The following OTULIN variants were observed in gnomAD, a reference collection of about 807,000 sequenced individuals.
OTULIN encodes OTU deubiquitinase with linear linkage specificity.
OTULIN carries 15 observed loss-of-function variants against 39.6 expected under a neutral mutation model. The observed-to-expected ratio is 0.38, with a 90% CI of 0.25 to 0.58. The LOEUF (loss-of-function observed/expected upper bound fraction) is 0.58, where lower values mean the gene tolerates loss of function less well. Among genes scored for constraint, OTULIN ranks in the 20% least tolerant of loss-of-function variants. The pLI is 0.66. For missense variants in OTULIN, 319 were observed against 445.9 expected, an observed-to-expected ratio of 0.72 and a Z score of 2.56; for synonymous variants, 156 against 170.3, an observed-to-expected ratio of 0.92 and a Z score of 0.65.
intron 4 of OTULIN, among the ~76,000 whole-genome samples, chr5:14,687,189 A>T (rs1736407279): frequency 6.6e-6 from 1 of 152,196 alleles, no homozygotes; most frequent in East Asian, 1.9e-4. Context: ...AGTGAGTCCC[A>T]TAGCCTGAAG....
intron 2 of OTULIN, among the ~76,000 whole-genome samples, chr5:14,675,569 G>A (rs1008501415): frequency 6.6e-6 from 1 of 152,178 alleles, no homozygotes; most frequent in African/African-American, 2.4e-5. Context: ...AAGAAAGTGT[G>A]TATTCAGCTG....
intron 4 of OTULIN, among the ~76,000 whole-genome samples, chr5:14,685,967 C>T (rs577712189): frequency 3.7e-4 from 56 of 152,282 alleles, no homozygotes; most frequent in East Asian, 1.4e-3. Flanking sequence ...AGTGTGGGCA[C>T]GGAGTGGGCT....
At chr5:14,689,903 G>A (rs1736481658) in intron 5 of OTULIN, 136 bp from the exon 6 acceptor site, 1 of 855,432 alleles carries the variant, frequency 1.2e-6, no homozygotes, top group Admixed American at 2.5e-5. Flanking sequence ...TTGTTAATCT[G>A]GAAACCTGAA....
the OTULIN span, chr5:14,711,211 C>T: frequency 1.2e-6 from 2 of 1,614,158 alleles, no homozygotes; most frequent in Non-Finnish European, 1.7e-6. Context: ...TCATTCTCCT[C>T]TCTCATTTCC....
rs1169341402 is a variant in OTULIN, at chr5:14,698,353, C to T, written c.*5305C>T. On this transcript the variant is annotated 3_prime_UTR_variant, in exon 7 of 7. Coordinates refer to ENST00000284274, the MANE Select transcript of OTULIN (RefSeq NM_138348.6). Reference sequence around the variant, plus strand: ...ACACCATAAGATGTTCCGCATGTGTCCAAAATTTCGCCTGCTCTGAAAAAC... The same window carrying T: ...ACACCATAAGATGTTCCGCATGTGTTCAAAATTTCGCCTGCTCTGAAAAAC... 6.6e-6 allele frequency: 1 copy of T among 152,218 alleles called. No individual in the cohort carries two copies. The highest frequency in any genetic ancestry group is 1.5e-5 in the Non-Finnish European group (1 of 68,060). 9.4% of individuals were successfully genotyped at this position (152,218 alleles called of 1,614,324 possible).
chr5:14,706,804 G>A, the OTULIN span: 1 of 152,182 alleles, frequency 6.6e-6, no homozygotes, highest in Non-Finnish European at 1.5e-5. Flanking sequence ...ACCACACAGA[G>A]GAGTATCCCA....
the OTULIN span, among the ~76,000 whole-genome samples, chr5:14,712,312 A>G: frequency 6.6e-6 from 1 of 152,162 alleles, no homozygotes; most frequent in Non-Finnish European, 1.5e-5. Flanking sequence ...TTCCCCACCC[A>G]TGTGTCCTCG....
the OTULIN span, chr5:14,709,276 G>A: frequency 1.4e-5 from 2 of 145,064 alleles, no homozygotes; most frequent in East Asian, 4.1e-4. Context: ...TAATTTTCTA[G>A]TAATGTCCTT....
At chr5:14,710,564 C>T in the OTULIN span, 3 of 156,140 alleles carry the variant, frequency 1.9e-5, no homozygotes, top group Non-Finnish European at 2.8e-5. Context: ...ACGGGAGATT[C>T]TGTCCATCTG....
the OTULIN span, chr5:14,712,840 ACCCGGGAGGAGGCT>A: frequency 6.4e-7 from 1 of 1,564,422 alleles, no homozygotes; most frequent in Non-Finnish European, 8.7e-7. Context: ...AGGAGGATGC[ACCCGGGAGGAGGCT>A]CCCGGCGCGG....
intron 5 of OTULIN, among the ~76,000 whole-genome samples, chr5:14,689,801 A>G (rs907674653): frequency 2.6e-5 from 4 of 152,198 alleles, no homozygotes; most frequent in African/African-American, 9.7e-5. Flanking sequence ...AAATTTCCAC[A>G]GCCTCGGTGC....
downstream of OTULIN, among the ~76,000 whole-genome samples, chr5:14,703,720 G>A (rs548597375): frequency 1.4e-4 from 21 of 152,318 alleles, no homozygotes; most frequent in African/African-American, 3.6e-4. Flanking sequence ...TACTTGACCC[G>A]ATAGCTAGGC....
chr5:14,713,933 C>A, the OTULIN span, among the ~76,000 whole-genome samples: 1 of 152,268 alleles, frequency 6.6e-6, no homozygotes, highest in African/African-American at 2.4e-5. The surrounding 1 kb of genome is among the most constrained non-coding windows in gnomAD (Gnocchi z 4.4). Context: ...GGGACAGCAT[C>A]TTCCAGGCAG....
Position 14,697,983 on chromosome 5 carries a change from C to CCCCTTA in OTULIN, c.*4935_*4936insCCCTTA, listed in dbSNP as rs1467228341. 1.3e-5 allele frequency: 2 copies of CCCCTTA among 152,130 alleles called. No homozygotes were observed. Among genetic ancestry groups the CCCCTTA allele is most frequent in the Non-Finnish European group, 2.9e-5 (2 of 68,016 alleles). 9.4% of individuals were successfully genotyped at this position (152,130 alleles called of 1,614,324 possible). On this transcript the variant is annotated 3_prime_UTR_variant, in exon 7 of 7. Coordinates refer to ENST00000284274, the MANE Select transcript of OTULIN (RefSeq NM_138348.6). ...CTTGACTGTATTCACATAAATGGTGCTAAAACATTGTACCCCTTATAAGAA... is the reference window on the plus strand; with the variant it reads ...CTTGACTGTATTCACATAAATGGTGCCCCTTATAAAACATTGTACCCCTTATAAGAA...
At chr5:14,710,958 A>T in the OTULIN span, 2 of 505,036 alleles carry the variant, frequency 4.0e-6, no homozygotes, top group Non-Finnish European at 7.2e-6. Context: ...CAGGGGTATG[A>T]AGTCAGTTGT....
chr5:14,705,372 C>T, the OTULIN span: 3 of 152,016 alleles, frequency 2.0e-5, no homozygotes, highest in Admixed American at 6.6e-5. Context: ...GGATCTCATA[C>T]GACGTTCTAA....
intron 1 of OTULIN, among the ~76,000 whole-genome samples, 181 bp from the exon 2 acceptor site, chr5:14,673,461 G>T (rs1047491770): frequency 2.0e-5 from 3 of 152,210 alleles, no homozygotes; most frequent in Non-Finnish European, 4.4e-5. Flanking sequence ...AAAGTGGTGA[G>T]ATAGAAACAT....
At chr5:14,680,549 G>A (rs966176579) in intron 3 of OTULIN, among the ~76,000 whole-genome samples, 3 of 152,202 alleles carry the variant, frequency 2.0e-5, no homozygotes, top group African/African-American at 2.4e-5. Context: ...ATGGTGGGCA[G>A]TTCAGTCAGT....
chr5:14,711,338 G>A, the OTULIN span: 1 of 1,598,286 alleles, frequency 6.3e-7, no homozygotes, highest in Non-Finnish European at 8.6e-7. Context: ...CATCAGTGTG[G>A]GGCTGTGGAT....
Sources: gnomAD v4.1 joint callset for allele counts (sites outside exome capture counted in the v4.1 genomes callset) on GRCh38, gnomAD v4.1.1 for gene constraint, Gnocchi (gnomAD v3.1) non-coding constraint, MANE v1.5 for transcripts, NCBI Gene and HGNC (gene_info 2026-07-23, HGNC 2026-07-21) for gene names.